Variants in PLD5 observed in about 807,000 individuals in gnomAD.
The protein encoded by PLD5 is phospholipase D family member 5, also known as inactive phospholipase D5.
In PLD5, 36 loss-of-function variants were observed where a neutral mutation model predicts 61.1. The observed-to-expected ratio is 0.59, with a 90% CI of 0.45 to 0.78. The LOEUF (loss-of-function observed/expected upper bound fraction) is 0.78, where lower values mean the gene tolerates loss of function less well. Among genes scored for constraint, PLD5 ranks in the 30% least tolerant of loss-of-function variants. The pLI is 0.00. For synonymous variants in PLD5, 243 were observed against 242.8 expected (o/e 1.00, Z -0.01); for missense variants, 515 against 644.4 (o/e 0.80, Z 2.17).
chr1:242,485,188 T>A (rs894753572), intron 1 of PLD5, among the ~76,000 whole-genome samples: 22 of 152,206 alleles, frequency 1.4e-4, no homozygotes, highest in African/African-American at 5.3e-4. Flanking sequence ...CTATTCAACA[T>A]AGTGTTGGAA....
intron 1 of PLD5, among the ~76,000 whole-genome samples, chr1:242,500,966 G>A (rs1033655309): frequency 1.3e-5 from 2 of 151,504 alleles, no homozygotes; most frequent in African/African-American, 4.9e-5. Flanking sequence ...ATCATTTAAC[G>A]TTTTTCTTTA....
intron 1 of PLD5, among the ~76,000 whole-genome samples, chr1:242,393,777 G>T (rs1243399270): frequency 6.8e-6 from 1 of 147,408 alleles, no homozygotes; most frequent in Non-Finnish European, 1.5e-5. Flanking sequence ...AGTATTTTTA[G>T]GCAGGGCCGC....
intron 1 of PLD5, among the ~76,000 whole-genome samples, chr1:242,424,413 A>G (rs1355510521): frequency 6.6e-6 from 1 of 152,172 alleles, no homozygotes; most frequent in Non-Finnish European, 1.5e-5. Context: ...ATCTGCCCTT[A>G]TTACACAGGA....
chr1:242,328,315 C>T (rs201949319), intron 2 of PLD5, among the ~76,000 whole-genome samples: 1 of 41,730 alleles, frequency 2.4e-5, no homozygotes, highest in African/African-American at 9.3e-5. Flanking sequence ...TATATATGTT[C>T]TACATATATG....
intron 1 of PLD5, among the ~76,000 whole-genome samples, chr1:242,441,707 G>A (rs940553963): frequency 1.3e-4 from 19 of 151,904 alleles, no homozygotes; most frequent in African/African-American, 3.9e-4. Context: ...CCCTCTTCCC[G>A]AGGAACACAG....
chr1:242,447,653 A>G (rs1381039193), intron 1 of PLD5, among the ~76,000 whole-genome samples: 1 of 152,214 alleles, frequency 6.6e-6, no homozygotes, highest in Non-Finnish European at 1.5e-5. Flanking sequence ...GAAAATAACC[A>G]GAGGATGGCC....
At chr1:242,523,948 C>G (rs1185318448) in intron 1 of PLD5, 140 bp downstream of exon 1, 11 of 937,924 alleles carry the variant, frequency 1.2e-5, no homozygotes, top group Non-Finnish European at 1.4e-5. Flanking sequence ...GAGAAGCCCC[C>G]GAATCCGACC....
chr1:242,510,999 A>G (rs1668890805), intron 1 of PLD5, among the ~76,000 whole-genome samples: 1 of 152,192 alleles, frequency 6.6e-6, no homozygotes, highest in South Asian at 2.1e-4. Context: ...CATTTGTAAT[A>G]TACTTATGAG....
chr1:242,216,104 C>T (rs765848757), intron 5 of PLD5, among the ~76,000 whole-genome samples: 2 of 152,190 alleles, frequency 1.3e-5, no homozygotes, highest in African/African-American at 2.4e-5. Flanking sequence ...CTGCAGGTCA[C>T]TCCTTGATTG....
At chr1:242,124,749 G>T in intron 5 of PLD5, 84 bp from the exon 6 acceptor site, 1 of 1,131,548 alleles carries the variant, frequency 8.8e-7, no homozygotes, top group South Asian at 1.5e-5. Context: ...ATAAGAATGA[G>T]GTAGTTGTGA....
intron 2 of PLD5, among the ~76,000 whole-genome samples, chr1:242,289,074 C>T (rs1177457908): frequency 6.6e-6 from 1 of 152,152 alleles, no homozygotes; most frequent in Admixed American, 6.5e-5. Flanking sequence ...AATTATAAAA[C>T]CTGCTTGTTG....
chr1:242,100,175 G>T (rs1660576131), intron 9 of PLD5, among the ~76,000 whole-genome samples: 1 of 152,214 alleles, frequency 6.6e-6, no homozygotes, highest in Non-Finnish European at 1.5e-5. Flanking sequence ...GAAAACTGAG[G>T]TTTGAAGAGC....
Position 242,089,925 on chromosome 1 carries a change from A to G in PLD5, c.1540T>C (p.Phe514Leu), listed in dbSNP as rs138174975. 2.4e-4 allele frequency: 394 copies of G among 1,614,114 alleles called. 2 individuals carry two copies. In the African/African-American group the frequency reaches 3.7e-3, roughly 15 times the overall value. ...PTKQPNCSSL[F>L]KLKPLSNKTA... ...TTGTTGGAGAGGGGTTTGAGTTTGA[A>G]CAGGCTTGAGCAGTTCGGCTGTTTG... is the stretch of plus-strand genomic sequence containing the variant. The change falls in exon 10 of 10, where the codon TTC (phenylalanine) becomes CTC (leucine). Residue 514 changes from phenylalanine (F) to leucine (L), a missense_variant. Physicochemically the swap from Phe to Leu is conservative, Grantham distance 22 (BLOSUM62 0). Transcript: ENST00000536534.
chr1:242,182,720 G>A (rs1192499508), intron 5 of PLD5, among the ~76,000 whole-genome samples: 1 of 152,136 alleles, frequency 6.6e-6, no homozygotes, highest in African/African-American at 2.4e-5. Flanking sequence ...GCACACGCCC[G>A]AAATCCCAGC....
chr1:242,394,442 G>GTATATATATGAGTATATA lies in PLD5; in HGVS notation c.190-46201_190-46200insTATATACTCATATATATA, dbSNP rs1558526235. 3.0e-3 allele frequency among the ~76,000 whole-genome samples: 311 copies of GTATATATATGAGTATATA among 103,710 alleles called. 59 individuals carry two copies. Among genetic ancestry groups the GTATATATATGAGTATATA allele is most frequent in the African/African-American group, 0.012 (296 of 23,690 alleles). The allele number at this position is 103,710 out of a possible 152,430, so 68.0% of individuals were successfully genotyped here. A position where few individuals can be genotyped will look rare whatever the true frequency, so the allele number is the denominator to read the frequency against. Reference sequence around the variant, plus strand: ...TATATGTGTGTATATGAGTATATATGTGTGTATATGAGTATATATGTGAAC... The same window carrying GTATATATATGAGTATATA: ...TATATGTGTGTATATGAGTATATATGTATATATATGAGTATATATGTGTATATGAGTATATATGTGAAC... On this transcript the variant is annotated intron_variant, in intron 1 of 9. Transcript: ENST00000536534.
chr1:242,165,048 A>G (rs1233171481), intron 5 of PLD5, among the ~76,000 whole-genome samples: 3 of 152,114 alleles, frequency 2.0e-5, no homozygotes, highest in Non-Finnish European at 4.4e-5. Context: ...TCCACAGGGG[A>G]TGATATAGTG....
rs143806809 is a variant in PLD5, at chr1:242,090,113, GCAAA to G, written c.1355-7_1355-4del. ...ATTCCCTACCCAATCAAAATTTCCT[GCAAA>G]CAAACAAAGAAATAATGTTGAGGAG... On this transcript the variant is annotated splice_polypyrimidine_tract_variant and splice_region_variant and intron_variant, in intron 9 of 9. Coordinates refer to ENST00000536534, the MANE Select transcript of PLD5 (RefSeq NM_001372062.1). The G allele has an allele frequency of 1.4e-3, 2,337 of 1,613,446 alleles. 34 individuals are homozygous for G. In the African/African-American group the frequency reaches 0.028, roughly 19 times the overall value.
chr1:242,145,682 G>GA (rs1456437627), intron 5 of PLD5, among the ~76,000 whole-genome samples: 1 of 152,110 alleles, frequency 6.6e-6, no homozygotes, highest in African/African-American at 2.4e-5. Context: ...AAGGAGCATT[G>GA]AAAAGTCCAC....
At chr1:242,168,647 T>C (rs1227884476) in intron 5 of PLD5, among the ~76,000 whole-genome samples, 1 of 152,172 alleles carries the variant, frequency 6.6e-6, no homozygotes, top group Non-Finnish European at 1.5e-5. Context: ...AAACCAAGCT[T>C]GTTGGGAATG....
Sources: gnomAD v4.1 joint callset for allele counts (sites outside exome capture counted in the v4.1 genomes callset) on GRCh38, gnomAD v4.1.1 for gene constraint, MANE v1.5 for transcripts, NCBI Gene and HGNC (gene_info 2026-07-23, HGNC 2026-07-21) for gene names.